The following CNTNAP2 variants were observed in gnomAD, a reference collection of about 807,000 sequenced individuals.
CNTNAP2 encodes the protein contactin-associated protein-like 2.
CNTNAP2 carries 98 observed loss-of-function variants against 155.2 expected under a neutral mutation model. The observed-to-expected ratio is 0.63, with a 90% CI of 0.54 to 0.75. The LOEUF (loss-of-function observed/expected upper bound fraction) is 0.75. Among genes scored for constraint, CNTNAP2 ranks in the 30% least tolerant of loss-of-function variants. The pLI, the probability that CNTNAP2 is intolerant of heterozygous loss-of-function variation, is 0.00. For synonymous variants in CNTNAP2, 651 were observed against 631.2 expected (o/e 1.03, Z -0.47); for missense variants, 1,727 against 1,688.1 (o/e 1.02, Z -0.40).
At chr7:148,322,121 C>G (rs1797799219) in intron 21 of CNTNAP2, among the ~76,000 whole-genome samples, 2 of 151,880 alleles carry the variant, frequency 1.3e-5, no homozygotes, top group African/African-American at 4.8e-5. Context: ...GGAGGTTTCA[C>G]CATGTCGGCC....
chr7:146,633,694 TGGTG>T (rs1426997942), intron 1 of CNTNAP2, among the ~76,000 whole-genome samples: 1 of 151,628 alleles, frequency 6.6e-6, no homozygotes, highest in African/African-American at 2.4e-5. Flanking sequence ...CCGGGCATGA[TGGTG>T]GGCGCCTGTA....
In CNTNAP2 at chr7:146,656,963, T is replaced by G. The variant is rs549517665; in HGVS notation, c.98-117308T>G. On this transcript the variant is annotated intron_variant, in intron 1 of 23. Coordinates refer to ENST00000361727, the MANE Select transcript of CNTNAP2 (RefSeq NM_014141.6). ...CATTGAGATCCCAATTCAATGCCTC[T>G]TTTTGTCCATATCTCATTGCAACTT... Among the ~76,000 whole-genome samples, 16 of 152,296 alleles carry G rather than the reference T, an allele frequency of 1.1e-4. 1 individual carries two copies. Among genetic ancestry groups the G allele is most frequent in the African/African-American group, 3.4e-4 (14 of 41,580 alleles).
chr7:146,388,333 T>A (rs192377461), intron 1 of CNTNAP2, among the ~76,000 whole-genome samples: 2 of 151,590 alleles, frequency 1.3e-5, no homozygotes, highest in African/African-American at 4.8e-5. Context: ...TACAAGGGAG[T>A]ATGAGGTGGG....
chr7:148,383,634 C>A lies in CNTNAP2; in HGVS notation c.3476-15C>A, dbSNP rs77706740. 50,692 of 1,613,952 alleles carry A rather than the reference C, an allele frequency of 0.031. 943 individuals carry two copies. The highest frequency in any genetic ancestry group is 0.037 in the Non-Finnish European group (43,554 of 1,179,864). On this transcript the variant is annotated splice_polypyrimidine_tract_variant and intron_variant, in intron 21 of 23. Coordinates refer to ENST00000361727, the MANE Select transcript of CNTNAP2 (RefSeq NM_014141.6). ...GGTGAGTCAAGTAACATTTTCATTT[C>A]TTTTTTTCTTTTAGAAACAGGGAAA...
At chr7:147,442,652 G>T (rs1045013276) in intron 10 of CNTNAP2, among the ~76,000 whole-genome samples, 1 of 152,118 alleles carries the variant, frequency 6.6e-6, no homozygotes, top group Admixed American at 6.5e-5. Context: ...CTCACCCAAG[G>T]CCCTCAGTGT....
At chr7:148,091,496 G>A (rs1803840002) in intron 15 of CNTNAP2, among the ~76,000 whole-genome samples, 1 of 152,144 alleles carries the variant, frequency 6.6e-6, no homozygotes, top group Non-Finnish European at 1.5e-5. Context: ...GCTGATGTAT[G>A]GTCCAGAGAA....
At chr7:147,123,249 TC>T (rs1801157454) in intron 6 of CNTNAP2, among the ~76,000 whole-genome samples, 1 of 152,302 alleles carries the variant, frequency 6.6e-6, no homozygotes, top group Admixed American at 6.5e-5. Context: ...GTATGAGAGA[TC>T]TTAAAGATGA....
At chr7:147,067,897 A>G (rs1229632051) in intron 4 of CNTNAP2, among the ~76,000 whole-genome samples, 1 of 152,210 alleles carries the variant, frequency 6.6e-6, no homozygotes, top group Non-Finnish European at 1.5e-5. Flanking sequence ...CCACAAACTT[A>G]TGCCTTAGAA....
chr7:147,500,466 T>C (rs575309064), intron 11 of CNTNAP2, among the ~76,000 whole-genome samples: 41 of 152,242 alleles, frequency 2.7e-4, no homozygotes, highest in African/African-American at 9.1e-4. Flanking sequence ...AGCAACCCTA[T>C]TGTATTGACA....
chr7:147,517,391 C>T (rs1799146749), intron 11 of CNTNAP2, among the ~76,000 whole-genome samples: 1 of 152,116 alleles, frequency 6.6e-6, no homozygotes, highest in African/African-American at 2.4e-5. Flanking sequence ...GAATTTTTCA[C>T]CATGTGCTAA....
intron 9 of CNTNAP2, among the ~76,000 whole-genome samples, chr7:147,308,808 C>G (rs909209177): frequency 6.6e-6 from 1 of 152,110 alleles, no homozygotes; most frequent in African/African-American, 2.4e-5. Flanking sequence ...TCAGTCAGTT[C>G]CGAAATTCCT....
intron 13 of CNTNAP2, among the ~76,000 whole-genome samples, chr7:147,805,590 C>G (rs1206371221): frequency 1.3e-5 from 2 of 152,094 alleles, no homozygotes; most frequent in Non-Finnish European, 2.9e-5. Flanking sequence ...TTGTGTTGAG[C>G]TATGTTCTTT....
At chr7:146,691,595 T>C (rs1310407752) in intron 1 of CNTNAP2, among the ~76,000 whole-genome samples, 1 of 152,078 alleles carries the variant, frequency 6.6e-6, no homozygotes, top group East Asian at 1.9e-4. Flanking sequence ...AAGCTGAAAA[T>C]TTGTAAGGCA....
chr7:147,138,040 A>G (rs558509647), intron 8 of CNTNAP2, among the ~76,000 whole-genome samples: 1 of 152,066 alleles, frequency 6.6e-6, no homozygotes, highest in Non-Finnish European at 1.5e-5. Flanking sequence ...TTCCCAAATA[A>G]TCTACATACA....
intron 1 of CNTNAP2, among the ~76,000 whole-genome samples, chr7:146,192,540 T>C (rs1272696234): frequency 6.6e-6 from 1 of 152,120 alleles, no homozygotes; most frequent in Non-Finnish European, 1.5e-5. Context: ...TGCAGAGGAA[T>C]CCTCTAACAC....
intron 5 of CNTNAP2, among the ~76,000 whole-genome samples, chr7:147,110,935 T>C (rs1240057118): frequency 1.3e-5 from 2 of 152,230 alleles, no homozygotes; most frequent in African/African-American, 4.8e-5. Context: ...CCTCTAGGTC[T>C]TTGAGGAATC....
At chr7:146,690,315 T>C (rs916396132) in intron 1 of CNTNAP2, among the ~76,000 whole-genome samples, 1 of 152,148 alleles carries the variant, frequency 6.6e-6, no homozygotes, top group Non-Finnish European at 1.5e-5. Context: ...ATCATGACAC[T>C]TCTTTCAAAG....
intron 14 of CNTNAP2, among the ~76,000 whole-genome samples, chr7:147,949,440 G>GTATATATATGTATATATATATATATA (rs1554453478): frequency 7.9e-6 from 1 of 127,366 alleles, no homozygotes; most frequent in African/African-American, 2.7e-5. Context: ...TCAACTGTGT[G>GTATATATATGTATATATATATATATA]TATATATATA....
At chr7:147,339,242 G>A (rs949234464) in intron 9 of CNTNAP2, among the ~76,000 whole-genome samples, 1 of 152,124 alleles carries the variant, frequency 6.6e-6, no homozygotes, top group Non-Finnish European at 1.5e-5. Flanking sequence ...TCAGTGTTGT[G>A]AGGTGGGGCA....
Sources: gnomAD v4.1 joint callset for allele counts (sites outside exome capture counted in the v4.1 genomes callset) on GRCh38, gnomAD v4.1.1 for gene constraint, MANE v1.5 for transcripts, NCBI Gene and HGNC (gene_info 2026-07-23, HGNC 2026-07-21) for gene names.